The following EIF2S2 variants were observed in gnomAD, a reference collection of about 807,000 sequenced individuals.
The protein encoded by EIF2S2 is eukaryotic translation initiation factor 2 subunit 2.
A neutral mutation model predicts 44.0 loss-of-function variants in EIF2S2; 4 were observed. The observed-to-expected ratio is 0.09, with a 90% CI of 0.04 to 0.21. The LOEUF is 0.21. Ranked by LOEUF, EIF2S2 falls within the 10% of genes least tolerant of loss-of-function variation. The pLI, the probability that EIF2S2 is intolerant of heterozygous loss-of-function variation, is 1.00. For missense variants in EIF2S2, 154 were observed against 392.0 expected (o/e 0.39, Z 5.13); for synonymous variants, 108 against 128.3 (o/e 0.84, Z 1.07).
intron 1 of EIF2S2, chr20:34,108,102 G>C (rs1184455548): frequency 1.3e-5 from 2 of 152,138 alleles, no homozygotes; most frequent in Non-Finnish European, 2.9e-5. Context: ...TCCATTTATT[G>C]CATTTTTTCA....
chr20:34,094,354 C>CT (rs1405038785), intron 6 of EIF2S2, among the ~76,000 whole-genome samples: 1 of 152,122 alleles, frequency 6.6e-6, no homozygotes, highest in Non-Finnish European at 1.5e-5. Context: ...CAAAGGTGGC[C>CT]TTAATTATAA....
At chr20:34,100,025 ATTATT>A (rs746207067) in intron 3 of EIF2S2, among the ~76,000 whole-genome samples, 1 of 151,948 alleles carries the variant, frequency 6.6e-6, no homozygotes, top group African/African-American at 2.4e-5. Flanking sequence ...TCTTATTATT[ATTATT>A]TTGAGACTGA....
chr20:34,094,429 AAAG>A (rs1351737708), intron 6 of EIF2S2, among the ~76,000 whole-genome samples: 1 of 152,216 alleles, frequency 6.6e-6, no homozygotes, highest in Non-Finnish European at 1.5e-5. Context: ...CCTTCTTTTT[AAAG>A]AAGTAAAAAA....
chr20:34,110,323 A>G (rs2034398573), intron 1 of EIF2S2, among the ~76,000 whole-genome samples: 1 of 152,152 alleles, frequency 6.6e-6, no homozygotes, highest in Non-Finnish European at 1.5e-5. Context: ...CCTAGTCAAC[A>G]GCACTACAGG....
In EIF2S2 at chr20:34,108,819, G is replaced by A. The variant is rs978445857; in HGVS notation, c.16-3274C>T. On this transcript the variant is annotated intron_variant, in intron 1 of 8. Coordinates refer to ENST00000374980, the MANE Select transcript of EIF2S2 (RefSeq NM_003908.5). ...CTTTATAGTCATACTATACCCAGAA[G>A]CAGGTGTGAGTCACAAAAGAACCCA... Among the ~76,000 whole-genome samples, 13 of 152,206 alleles carry A rather than the reference G, an allele frequency of 8.5e-5. 1 individual carries two copies. The highest frequency in any genetic ancestry group is 8.5e-4 in the Admixed American group (13 of 15,284).
At chr20:34,099,961 C>A (rs558493486) in intron 3 of EIF2S2, among the ~76,000 whole-genome samples, 147 of 152,258 alleles carry the variant, frequency 9.7e-4, no homozygotes, top group Non-Finnish European at 1.1e-3. Flanking sequence ...CTCTCCGAAC[C>A]CATGTCTAGG....
At chr20:34,111,980 C>A (rs1298356469) in intron 1 of EIF2S2, 116 bp downstream of exon 1, 4 of 1,187,426 alleles carry the variant, frequency 3.4e-6, no homozygotes, top group Admixed American at 4.1e-5. Flanking sequence ...CGCCTAGGCG[C>A]GGCTGCCTCA....
chr20:34,097,295 C>T, intron 5 of EIF2S2, 121 bp downstream of exon 5: 1 of 826,938 alleles, frequency 1.2e-6, no homozygotes, highest in Non-Finnish European at 1.9e-6. Context: ...GCTGTGTGAC[C>T]TCTCTGCATC....
chr20:34,095,920 G>C (rs1040499654), intron 6 of EIF2S2, among the ~76,000 whole-genome samples: 1 of 152,140 alleles, frequency 6.6e-6, no homozygotes, highest in African/African-American at 2.4e-5. Flanking sequence ...ATGCAGCTGA[G>C]GAGCTCAGAG....
rs765607730 is a variant in EIF2S2, at chr20:34,089,919, A to C, written c.827-14T>G. ...TGACATATTCCTCTGCAAATAAAGCAACACACAGAATTACCTGGTGGCTGC... is the reference window on the plus strand; with the variant it reads ...TGACATATTCCTCTGCAAATAAAGCCACACACAGAATTACCTGGTGGCTGC... On this transcript the variant is annotated splice_polypyrimidine_tract_variant and intron_variant, in intron 8 of 8. Coordinates refer to ENST00000374980, the MANE Select transcript of EIF2S2 (RefSeq NM_003908.5). The C allele has an allele frequency of 6.2e-7, 1 of 1,613,392 alleles. No homozygotes were observed. Among genetic ancestry groups the C allele is most frequent in the Non-Finnish European group, 8.5e-7 (1 of 1,179,702 alleles).
chr20:34,103,710 C>A, intron 2 of EIF2S2, 145 bp from the exon 3 acceptor site: 68 of 964,998 alleles, frequency 7.0e-5, no homozygotes, highest in East Asian at 1.2e-4. Flanking sequence ...ACTTATGGTT[C>A]TTTTTTTTTT....
chr20:34,101,996 C>T (rs145076302), intron 3 of EIF2S2, among the ~76,000 whole-genome samples: 68 of 152,272 alleles, frequency 4.5e-4, no homozygotes, highest in Non-Finnish European at 2.6e-4. Context: ...TTTTTCAAGG[C>T]TTTTCAAAAG....
intron 1 of EIF2S2, among the ~76,000 whole-genome samples, chr20:34,108,673 A>G (rs1026941080): frequency 3.3e-5 from 5 of 152,162 alleles, no homozygotes; most frequent in African/African-American, 7.2e-5. Flanking sequence ...TAAATTTTCT[A>G]TTTTCAACTT....
At chr20:34,111,777 G>A (rs1281878682) in intron 1 of EIF2S2, among the ~76,000 whole-genome samples, 2 of 152,244 alleles carry the variant, frequency 1.3e-5, no homozygotes, top group African/African-American at 4.8e-5. Flanking sequence ...TGCAGGGATC[G>A]CCAGCCCCAG....
intron 2 of EIF2S2, among the ~76,000 whole-genome samples, chr20:34,105,070 C>T (rs1415082328): frequency 6.6e-6 from 1 of 152,142 alleles, no homozygotes; most frequent in Admixed American, 6.5e-5. Context: ...TTTCTTTCTG[C>T]CCACACTCAA....
chr20:34,097,503 T>G lies in EIF2S2; in HGVS notation c.447A>C (p.Glu149Asp). Reference protein sequence around the residue: ...ILEKDEALEDEDNKKDDGISF... With the variant: ...ILEKDEALEDDDNKKDDGISF... The stretch of plus-strand genomic sequence containing the variant: ...AGATACCATCATCTTTTTTGTTGTC[T>G]TCATCTTCTAGAGCTACAGATAAAA... The change falls in exon 5 of 9, where the codon GAA becomes GAC. Residue 149 changes from glutamate (E) to aspartate (D), a missense_variant. By Grantham distance (45) the Glu-to-Asp change is conservative (BLOSUM62 2). This residue lies in a region of EIF2S2 where 134 missense variants were observed against 225.0 expected (regional missense o/e 0.60). Coordinates refer to ENST00000374980, the MANE Select transcript of EIF2S2 (RefSeq NM_003908.5). 6.2e-7 allele frequency: 1 copy of G among 1,613,132 alleles called. No homozygotes were observed. The highest frequency in any genetic ancestry group is 8.5e-7 in the Non-Finnish European group (1 of 1,179,924).
chr20:34,092,808 C>T (rs1295453367), intron 7 of EIF2S2, among the ~76,000 whole-genome samples: 1 of 152,134 alleles, frequency 6.6e-6, no homozygotes, highest in Non-Finnish European at 1.5e-5. Context: ...AAGAGAACAC[C>T]TTAATTATCT....
chr20:34,106,419 T>C (rs565973188), intron 1 of EIF2S2, among the ~76,000 whole-genome samples: 7 of 139,314 alleles, frequency 5.0e-5, no homozygotes, highest in Admixed American at 2.3e-4. Flanking sequence ...TGTTTAACAT[T>C]AAAGGTTCTT....
chr20:34,091,826 T>C (rs1250904324), intron 7 of EIF2S2, among the ~76,000 whole-genome samples: 1 of 134,386 alleles, frequency 7.4e-6, no homozygotes, highest in Non-Finnish European at 1.5e-5. Context: ...AGAGAAAGAA[T>C]AGCTCTGTCT....
Sources: gnomAD v4.1 joint callset for allele counts (sites outside exome capture counted in the v4.1 genomes callset) on GRCh38, gnomAD v4.1.1 for gene constraint, gnomAD v4.1.1 regional missense constraint, MANE v1.5 for transcripts, NCBI Gene and HGNC (gene_info 2026-07-23, HGNC 2026-07-21) for gene names.